Variants in CEP85L observed in about 807,000 individuals in gnomAD.
CEP85L encodes the protein centrosomal protein of 85 kDa-like.
CEP85L carries 60 observed loss-of-function variants against 100.3 expected under a neutral mutation model. That is an observed-to-expected ratio of 0.60 (90% CI 0.49 to 0.74). The LOEUF (loss-of-function observed/expected upper bound fraction) is 0.74, where lower values mean the gene tolerates loss of function less well. CEP85L is among the 30% of genes least tolerant of loss of function. The pLI, the probability that CEP85L is intolerant of heterozygous loss-of-function variation, is 0.00. For missense variants in CEP85L, 973 were observed against 936.2 expected (o/e 1.04, Z -0.51); for synonymous variants, 319 against 322.7 (o/e 0.99, Z 0.12).
chr6:118,634,174 G>A (rs542038291), intron 1 of CEP85L, among the ~76,000 whole-genome samples: 5 of 152,192 alleles, frequency 3.3e-5, no homozygotes, highest in South Asian at 4.2e-4. Context: ...TATTGAAACC[G>A]GCATGCAAGG....
chr6:118,672,129 T>C (rs902420511), intron 1 of CEP85L, among the ~76,000 whole-genome samples: 15 of 152,138 alleles, frequency 9.9e-5, no homozygotes, highest in Non-Finnish European at 1.5e-4. Context: ...CTCTCCTTCC[T>C]GGGCTCAAGC....
chr6:118,705,368 A>G (rs1324244967), intron 1 of CEP85L, among the ~76,000 whole-genome samples: 1 of 152,220 alleles, frequency 6.6e-6, no homozygotes, highest in Non-Finnish European at 1.5e-5. Flanking sequence ...TTGGGCTTGG[A>G]CAATTTGCAG....
intron 10 of CEP85L, among the ~76,000 whole-genome samples, chr6:118,474,583 G>T (rs1773208603): frequency 6.6e-6 from 1 of 152,138 alleles, no homozygotes; most frequent in African/African-American, 2.4e-5. Context: ...GCTGGGAGAG[G>T]CAAGTCAAAA....
At chr6:118,640,522 TTTG>T (rs1201359739) in intron 1 of CEP85L, among the ~76,000 whole-genome samples, 1 of 152,158 alleles carries the variant, frequency 6.6e-6, no homozygotes, top group Admixed American at 6.5e-5. Flanking sequence ...TGTAAAGTTT[TTTG>T]TTGTTGTTAT....
chr6:118,605,171 A>C (rs560779116), intron 2 of CEP85L, among the ~76,000 whole-genome samples: 1 of 152,322 alleles, frequency 6.6e-6, no homozygotes, highest in African/African-American at 2.4e-5. Flanking sequence ...ACAGATCCCC[A>C]AAATTAAGGG....
At chr6:118,474,682 A>G (rs1209375317) in intron 10 of CEP85L, among the ~76,000 whole-genome samples, 1 of 152,212 alleles carries the variant, frequency 6.6e-6, no homozygotes, top group Non-Finnish European at 1.5e-5. Flanking sequence ...TTGTCCCCAC[A>G]CCAATTAACC....
intron 1 of CEP85L, among the ~76,000 whole-genome samples, chr6:118,697,957 T>C (rs1174224196): frequency 2.6e-5 from 4 of 152,224 alleles, no homozygotes; most frequent in Admixed American, 2.0e-4. Flanking sequence ...CTGACGTTCC[T>C]GCTGCGAACT....
chr6:118,461,624 TC>T lies in CEP85L; in HGVS notation c.*3780del, dbSNP rs1772238832. 1 of 151,984 alleles carries T rather than the reference TC, an allele frequency of 6.6e-6. No homozygotes were observed. The highest frequency in any genetic ancestry group is 1.5e-5 in the Non-Finnish European group (1 of 67,908). The allele number at this position is 151,984 out of a possible 1,614,324, so 9.4% of individuals were successfully genotyped here. Reference sequence around the variant, plus strand: ...GCACTTTTTTAAATAAGAAAAAAAATCCAAAATCTTTCCCATACATGATTAA... The same window carrying T: ...GCACTTTTTTAAATAAGAAAAAAAATCAAAATCTTTCCCATACATGATTAA... On this transcript the variant is annotated 3_prime_UTR_variant, in exon 13 of 13. Coordinates refer to ENST00000368491, the MANE Select transcript of CEP85L (RefSeq NM_001042475.3).
rs184228040 is a variant in CEP85L, at chr6:118,635,154, G to C, written c.74-2543C>G. Among the ~76,000 whole-genome samples the C allele has an allele frequency of 2.6e-3, 400 of 152,244 alleles. 1 individual carries two copies. The highest frequency in any genetic ancestry group is 9.1e-3 in the African/African-American group (380 of 41,542). ...GAGAATTTATCCTAAGGAAATATCAGACAATTACAAATAAATATGAGTATA... is the reference window on the plus strand; with the variant it reads ...GAGAATTTATCCTAAGGAAATATCACACAATTACAAATAAATATGAGTATA... On this transcript the variant is annotated intron_variant, in intron 1 of 12. Coordinates refer to ENST00000368491, the MANE Select transcript of CEP85L (RefSeq NM_001042475.3).
chr6:118,463,947 G>A lies in CEP85L; in HGVS notation c.*1458C>T, dbSNP rs975231631. ...CTTTATTCTAGTATATAAGAAAACA[G>A]GCATGTGCTATGCCCTTTATCTGGC... is the stretch of plus-strand genomic sequence containing the variant. On this transcript the variant is annotated 3_prime_UTR_variant, in exon 13 of 13. Transcript: ENST00000368491. 7.9e-5 allele frequency: 12 copies of A among 152,020 alleles called. No individual in the cohort carries two copies. The highest frequency in any genetic ancestry group is 2.9e-4 in the African/African-American group (12 of 41,428). The allele number at this position is 152,020 out of a possible 1,614,324, so 9.4% of individuals were successfully genotyped here. A position where few individuals can be genotyped will look rare whatever the true frequency, so the allele number is the denominator to read the frequency against.
chr6:118,701,032 A>G (rs186273163), intron 1 of CEP85L, among the ~76,000 whole-genome samples: 200 of 152,296 alleles, frequency 1.3e-3, no homozygotes, highest in Non-Finnish European at 2.2e-3. Context: ...TCCTATGTAC[A>G]TTCTGTAGGA....
intron 3 of CEP85L, among the ~76,000 whole-genome samples, chr6:118,543,939 T>C (rs1195006220): frequency 6.6e-6 from 1 of 151,332 alleles, no homozygotes; most frequent in Non-Finnish European, 1.5e-5. Flanking sequence ...AAGAGGAGAG[T>C]TGGTCAGGCT....
chr6:118,540,754 T>TTAAA (rs72219779), intron 3 of CEP85L, among the ~76,000 whole-genome samples: 6,385 of 147,658 alleles, frequency 0.043, 284 homozygotes, highest in African/African-American at 0.11. Context: ...AGACCCCATC[T>TTAAA]TAAATAAATA....
chr6:118,576,936 C>T (rs968192835), intron 2 of CEP85L, among the ~76,000 whole-genome samples: 1 of 152,164 alleles, frequency 6.6e-6, no homozygotes, highest in Admixed American at 6.5e-5. Context: ...GACAGGTAGG[C>T]CAGAAACCCA....
At position 118,549,038 on chromosome 6, in the gene CEP85L, A is replaced by G. The variant is rs556622248; in HGVS notation, c.1020+16491T>C. Among the ~76,000 whole-genome samples the G allele has an allele frequency of 3.9e-5, 6 of 152,130 alleles. No homozygotes were observed. In the East Asian group the frequency reaches 5.8e-4, roughly 15 times the overall value. ...TTCCATGCTATTAATAAATTGAGTT[A>G]CTGATATTAAATTCAATATTGTATC... On this transcript the variant is annotated intron_variant, in intron 3 of 12. Transcript: ENST00000368491.
chr6:118,681,019 T>G (rs1379709312), intron 1 of CEP85L, among the ~76,000 whole-genome samples: 1 of 152,212 alleles, frequency 6.6e-6, no homozygotes, highest in Non-Finnish European at 1.5e-5. Flanking sequence ...AGAACTATTG[T>G]GCGTGTGACA....
intron 1 of CEP85L, among the ~76,000 whole-genome samples, chr6:118,696,972 G>A (rs1449528966): frequency 6.6e-6 from 1 of 152,098 alleles, no homozygotes; most frequent in African/African-American, 2.4e-5. Flanking sequence ...AACATCTAAA[G>A]GCAGAAAAGG....
chr6:118,591,445 T>C (rs368208268), intron 2 of CEP85L, among the ~76,000 whole-genome samples: 8 of 152,166 alleles, frequency 5.3e-5, no homozygotes, highest in Non-Finnish European at 2.9e-5. Flanking sequence ...TTCATTTGCA[T>C]AGAAGTGTAA....
chr6:118,567,677 C>T (rs189844862), intron 2 of CEP85L, among the ~76,000 whole-genome samples: 1 of 152,184 alleles, frequency 6.6e-6, no homozygotes, highest in Non-Finnish European at 1.5e-5. Flanking sequence ...CTGTTTGACT[C>T]TTATACCAGA....
Sources: allele counts gnomAD v4.1 joint callset (sites outside exome capture counted in the v4.1 genomes callset), GRCh38; gene constraint gnomAD v4.1.1; transcripts MANE v1.5; gene names NCBI Gene and HGNC (gene_info 2026-07-23, HGNC 2026-07-21).